RBM20: variants seen among roughly 807,000 people sequenced by gnomAD.
RBM20 encodes RNA binding motif protein 20.
In RBM20, 51 loss-of-function variants were observed where a neutral mutation model predicts 110.1. The ratio of observed to expected loss-of-function variants is 0.46; its 90% CI spans 0.37 to 0.59. The LOEUF (loss-of-function observed/expected upper bound fraction) is 0.59. RBM20 is among the 20% of genes least tolerant of loss of function. RBM20 has a pLI of 0.00. For synonymous variants in RBM20, 589 were observed against 618.2 expected (o/e 0.95, Z 0.70); for missense variants, 1,512 against 1,574.9 (o/e 0.96, Z 0.68).
chr10:110,669,350 G>C (rs1189485220), intron 1 of RBM20, among the ~76,000 whole-genome samples: 1 of 152,092 alleles, frequency 6.6e-6, no homozygotes, highest in Non-Finnish European at 1.5e-5. Flanking sequence ...ATATTTAAAC[G>C]ACCAGCTCCT....
intron 1 of RBM20, among the ~76,000 whole-genome samples, chr10:110,676,220 T>C (rs1320746351): frequency 1.3e-5 from 2 of 152,176 alleles, no homozygotes; most frequent in East Asian, 3.9e-4. Flanking sequence ...CTGGTGCCAA[T>C]TGTACATCCC....
At position 110,801,878 on chromosome 10, in the gene RBM20, T is replaced by C. The variant is rs145363730; in HGVS notation, c.1800+1960T>C. 3.2e-3 allele frequency among the ~76,000 whole-genome samples: 490 copies of C among 152,168 alleles called. 1 individual carries two copies. The highest frequency in any genetic ancestry group is 0.011 in the African/African-American group (459 of 41,510). On this transcript the variant is annotated intron_variant, in intron 7 of 13. Coordinates refer to ENST00000369519, the MANE Select transcript of RBM20 (RefSeq NM_001134363.3). ...ACAGTTTTATATTTTATTCCCCTAATTGCGCATGGAGATTGAGCACTTTTT... is the reference window on the plus strand; with the variant it reads ...ACAGTTTTATATTTTATTCCCCTAACTGCGCATGGAGATTGAGCACTTTTT...
At chr10:110,833,561 A>G (rs1362863071) in intron 13 of RBM20, among the ~76,000 whole-genome samples, 1 of 152,122 alleles carries the variant, frequency 6.6e-6, no homozygotes, top group African/African-American at 2.4e-5. Context: ...AGTATTGTGC[A>G]GCCCTTCAGG....
chr10:110,723,110 TAAA>T (rs575216610), intron 1 of RBM20, among the ~76,000 whole-genome samples: 65 of 128,094 alleles, frequency 5.1e-4, no homozygotes, highest in Middle Eastern at 4.3e-3. Context: ...AGACTCCATC[TAAA>T]AAAAAAAAAA....
At chr10:110,767,434 C>T (rs1316880871) in intron 1 of RBM20, among the ~76,000 whole-genome samples, 23 of 149,988 alleles carry the variant, frequency 1.5e-4, no homozygotes, top group Middle Eastern at 6.8e-3. Context: ...CGGGCAGAGA[C>T]GCTCCTCACT....
chr10:110,645,909 TTC>T (rs1554886643), intron 1 of RBM20, among the ~76,000 whole-genome samples: 1 of 151,934 alleles, frequency 6.6e-6, no homozygotes, highest in Non-Finnish European at 1.5e-5. Context: ...TTTCATATTA[TTC>T]TTTTCTATTG....
intron 1 of RBM20, among the ~76,000 whole-genome samples, chr10:110,712,571 A>C (rs1460780187): frequency 2.6e-5 from 4 of 152,208 alleles, no homozygotes. Context: ...GTTTGAGACC[A>C]GCCTGGCCAA....
chr10:110,743,859 G>A (rs1425665491), intron 1 of RBM20, among the ~76,000 whole-genome samples: 2 of 152,142 alleles, frequency 1.3e-5, no homozygotes, highest in Non-Finnish European at 2.9e-5. Context: ...CAGGTGATCC[G>A]ACTACCTCAG....
intron 1 of RBM20, among the ~76,000 whole-genome samples, chr10:110,691,964 A>T (rs1862592038): frequency 6.6e-6 from 1 of 152,164 alleles, no homozygotes; most frequent in Non-Finnish European, 1.5e-5. Context: ...TTGTGTAAGG[A>T]TCCAACTTCA....
At chr10:110,648,933 ACTATG>A (rs1861907212) in intron 1 of RBM20, among the ~76,000 whole-genome samples, 1 of 152,246 alleles carries the variant, frequency 6.6e-6, no homozygotes, top group Admixed American at 6.5e-5. Flanking sequence ...ACAGTAAAGG[ACTATG>A]CATATGGTGC....
chr10:110,682,889 A>G (rs1444939681), intron 1 of RBM20, among the ~76,000 whole-genome samples: 5 of 152,166 alleles, frequency 3.3e-5, no homozygotes, highest in African/African-American at 1.2e-4. Context: ...TCTAACAGTG[A>G]TTTTCCATTT....
chr10:110,661,621 C>T (rs566212072), intron 1 of RBM20, among the ~76,000 whole-genome samples: 43 of 152,238 alleles, frequency 2.8e-4, no homozygotes, highest in Middle Eastern at 3.4e-3. Context: ...AAGGTATATA[C>T]AGTTGGCTGC....
rs866903443 is a variant in RBM20 at position 110,831,680 on chromosome 10, A to C, written c.3573+498A>C. ...GCTTGCTAGAATAAAAAAAAAAAAA[A>C]AAAAAAAAAAACACTGCTTTGTTCT... On this transcript the variant is annotated intron_variant, in intron 13 of 13. Transcript: ENST00000369519. Among the ~76,000 whole-genome samples, 467 of 144,464 alleles carry C rather than the reference A, an allele frequency of 3.2e-3. 4 individuals carry two copies. Among genetic ancestry groups the C allele is most frequent in the African/African-American group, 0.011 (436 of 39,884 alleles). The allele number at this position is 144,464 out of a possible 152,430, so 94.8% of individuals were successfully genotyped here.
At chr10:110,725,376 C>T (rs1369582794) in intron 1 of RBM20, among the ~76,000 whole-genome samples, 1 of 152,158 alleles carries the variant, frequency 6.6e-6, no homozygotes, top group Admixed American at 6.5e-5. Flanking sequence ...TCAATAACGC[C>T]TGTTTCGGTG....
In RBM20 at chr10:110,784,311, GA is replaced by G. The variant is rs779733752; in HGVS notation, c.1338-29del. The G allele has an allele frequency of 2.7e-6, 4 of 1,470,358 alleles. No individual in the cohort carries two copies. In the South Asian group the frequency reaches 4.9e-5, roughly 18 times the overall value. 91.1% of individuals were successfully genotyped at this position (1,470,358 alleles called of 1,614,324 possible). A position where few individuals can be genotyped will look rare whatever the true frequency, so the allele number is the denominator to read the frequency against. Reference sequence around the variant, plus strand: ...CTAATTCTTTGTTTAACTTATTAAGGAGCCGGTTTCCCTTTCTCGCCCTCTC... The same window carrying G: ...CTAATTCTTTGTTTAACTTATTAAGGGCCGGTTTCCCTTTCTCGCCCTCTC... On this transcript the variant is annotated intron_variant, in intron 3 of 13. Transcript: ENST00000369519.
intron 1 of RBM20, among the ~76,000 whole-genome samples, chr10:110,682,701 C>T (rs909374956): frequency 6.6e-6 from 1 of 152,164 alleles, no homozygotes. Context: ...CACTTAATTG[C>T]TTGCTTAAGG....
chr10:110,682,636 G>T (rs965328855), intron 1 of RBM20, among the ~76,000 whole-genome samples: 1 of 152,200 alleles, frequency 6.6e-6, no homozygotes, highest in African/African-American at 2.4e-5. Flanking sequence ...TTAGATTGAG[G>T]TTATGTGTGT....
At chr10:110,752,128 G>T (rs7097924) in intron 1 of RBM20, among the ~76,000 whole-genome samples, 1 of 152,084 alleles carries the variant, frequency 6.6e-6, no homozygotes, top group Non-Finnish European at 1.5e-5. Context: ...GCATGATGAC[G>T]TGTATCCATC....
At chr10:110,774,683 T>C (rs2135029586) in intron 1 of RBM20, among the ~76,000 whole-genome samples, 1 of 152,296 alleles carries the variant, frequency 6.6e-6, no homozygotes, top group East Asian at 1.9e-4. Flanking sequence ...TGTTGTTTTC[T>C]TTTTGTTTGT....
Sources: gnomAD v4.1 joint callset for allele counts (sites outside exome capture counted in the v4.1 genomes callset) on GRCh38, gnomAD v4.1.1 for gene constraint, MANE v1.5 for transcripts, NCBI Gene and HGNC (gene_info 2026-07-23, HGNC 2026-07-21) for gene names.